The following TXLNB variants were observed in gnomAD, a reference collection of about 807,000 sequenced individuals.
TXLNB encodes beta-taxilin.
In TXLNB, 37 loss-of-function variants were observed where a neutral mutation model predicts 57.4. That is an observed-to-expected ratio of 0.64 (90% confidence interval 0.50 to 0.85). TXLNB has a LOEUF of 0.85. Ranked by LOEUF, TXLNB falls within the 40% of genes least tolerant of loss-of-function variation. TXLNB has a pLI of 0.00. For synonymous variants in TXLNB, 302 were observed against 309.6 expected (o/e 0.98, Z 0.26); for missense variants, 848 against 825.6 (o/e 1.03, Z -0.33).
At chr6:139,208,296 G>A in the TXLNB span, among the ~76,000 whole-genome samples, 1 of 152,180 alleles carries the variant, frequency 6.6e-6, no homozygotes, top group South Asian at 2.1e-4. Context: ...GATTGAATCA[G>A]TAATTTAAAA....
rs769377823 is a variant in TXLNB at position 139,247,881 on chromosome 6, T to G, written c.1106A>C (p.Glu369Ala). 2 of 1,607,524 alleles carry G rather than the reference T, an allele frequency of 1.2e-6. No homozygotes were observed. The highest frequency in any genetic ancestry group is 1.7e-6 in the Non-Finnish European group (2 of 1,176,780). The change falls in exon 8 of 10, where the codon GAA becomes GCA. Residue 369 changes from glutamate to alanine, a missense_variant. Transcript: ENST00000358430. Reference sequence around the variant, plus strand: ...GCTTTTAGTTAGTGTGCTCTGGAATTCTTCAAACCTTCCTGAGTAGAGAGT... The same window carrying G: ...GCTTTTAGTTAGTGTGCTCTGGAATGCTTCAAACCTTCCTGAGTAGAGAGT... ...QLTLYSGRFE[E>A]FQSTLTKSNE...
At chr6:139,315,369 C>T in the TXLNB span, among the ~76,000 whole-genome samples, 1 of 152,178 alleles carries the variant, frequency 6.6e-6, no homozygotes, top group African/African-American at 2.4e-5. Flanking sequence ...TGCAATTGCC[C>T]TGTCTTGATA....
At chr6:139,167,013 G>A in the TXLNB span, 40 of 1,614,180 alleles carry the variant, frequency 2.5e-5, no homozygotes, top group Non-Finnish European at 3.1e-5. Flanking sequence ...GTTCACAGGG[G>A]GGGACACTTC....
chr6:139,238,717 C>T (rs1174305556), downstream of TXLNB, among the ~76,000 whole-genome samples: 1 of 152,148 alleles, frequency 6.6e-6, no homozygotes, highest in Non-Finnish European at 1.5e-5. Context: ...ATTATTTAAA[C>T]CTTGTGAAAA....
At position 139,246,029 on chromosome 6, in the gene TXLNB, A is replaced by G. The variant is rs1776058992; in HGVS notation, c.1171-1339T>C. ...AACTTTAAGGTCATCAATCTTTTTA[A>G]GAATGTGGTGAAAGCTATGGGACCA... is the stretch of plus-strand genomic sequence containing the variant. On this transcript the variant is annotated intron_variant, in intron 8 of 9. Transcript: ENST00000358430. 2.6e-5 allele frequency among the ~76,000 whole-genome samples: 4 copies of G among 152,278 alleles called. No individual in the cohort carries two copies. The South Asian group carries it at 8.3e-4, about 32-fold the overall frequency.
At position 139,247,008 on chromosome 6, in the gene TXLNB, T is replaced by C. The variant is rs1776082097; in HGVS notation, c.1170+809A>G. Among the ~76,000 whole-genome samples, 6 of 152,286 alleles carry C rather than the reference T, an allele frequency of 3.9e-5. No homozygotes were observed. In the South Asian group the frequency reaches 1.2e-3, roughly 32 times the overall value. ...AACACACCAGAATTGAATTCAGGCT[T>C]CCATCTTCTCATTCAAGGCTCTGTC... is the stretch of plus-strand genomic sequence containing the variant. On this transcript the variant is annotated intron_variant, in intron 8 of 9. Coordinates refer to ENST00000358430, the MANE Select transcript of TXLNB (RefSeq NM_153235.4).
chr6:139,322,108 C>T, the TXLNB span, among the ~76,000 whole-genome samples: 1 of 152,126 alleles, frequency 6.6e-6, no homozygotes, highest in Non-Finnish European at 1.5e-5. Context: ...TTCTGAGCTG[C>T]GACTACAGGT....
chr6:139,253,703 G>T (rs562221675), intron 7 of TXLNB, among the ~76,000 whole-genome samples: 12 of 152,142 alleles, frequency 7.9e-5, no homozygotes, highest in South Asian at 2.1e-4. Context: ...TTTAATATTT[G>T]TATTGTACAG....
the TXLNB span, among the ~76,000 whole-genome samples, chr6:139,322,805 C>T: frequency 1.3e-5 from 2 of 152,184 alleles, no homozygotes; most frequent in Non-Finnish European, 2.9e-5. Context: ...ACACACTGCA[C>T]ATTTTCTGTA....
the TXLNB span, among the ~76,000 whole-genome samples, chr6:139,216,556 C>T: frequency 1.3e-5 from 2 of 151,878 alleles, no homozygotes; most frequent in Non-Finnish European, 2.9e-5. Flanking sequence ...AGCACACCAA[C>T]ATGGCACATG....
In TXLNB at chr6:139,284,052, C is replaced by T. The variant is rs558670171; in HGVS notation, c.424+4424G>A. ...TTCCACAATCTGTGTCAAAATTACCCAGGGTGAACATCTCCCATGCTCGCC... is the reference window on the plus strand; with the variant it reads ...TTCCACAATCTGTGTCAAAATTACCTAGGGTGAACATCTCCCATGCTCGCC... On this transcript the variant is annotated intron_variant, in intron 2 of 9. Transcript: ENST00000358430. Among the ~76,000 whole-genome samples the T allele has an allele frequency of 2.8e-5, 4 of 145,390 alleles. 1 individual carries two copies. The highest frequency in any genetic ancestry group is 6.1e-5 in the Non-Finnish European group (4 of 65,366).
chr6:139,242,646 C>G lies in TXLNB; in HGVS notation c.1935G>C (p.Val645=). 2 of 1,608,958 alleles carry G rather than the reference C, an allele frequency of 1.2e-6. No homozygotes were observed. Among genetic ancestry groups the G allele is most frequent in the Non-Finnish European group, 1.7e-6 (2 of 1,177,772 alleles). The change falls in exon 10 of 10, where the codon GTG becomes GTC. Residue 645 remains valine (V), a synonymous_variant. Coordinates refer to ENST00000358430, the MANE Select transcript of TXLNB (RefSeq NM_153235.4). ...CAAEEHVAAM[V]PACEPSRQPP... is the part of the protein sequence containing the mutation. ...GCTGCCTACTGGGCTCGCATGCAGG[C>G]ACCATGGCTGCAACGTGCTCTTCTG... is the stretch of plus-strand genomic sequence containing the variant.
the TXLNB span, among the ~76,000 whole-genome samples, chr6:139,210,792 G>A: frequency 3.3e-5 from 5 of 152,226 alleles, no homozygotes; most frequent in Non-Finnish European, 4.4e-5. Flanking sequence ...CTAATACTGC[G>A]CTCTTCCAAT....
At chr6:139,280,548 G>A (rs1753886791) in intron 2 of TXLNB, among the ~76,000 whole-genome samples, 1 of 74,530 alleles carries the variant, frequency 1.3e-5, no homozygotes, top group African/African-American at 6.4e-5. Flanking sequence ...GGGAAACTGA[G>A]CAGGAGACTC....
At chr6:139,279,615 G>A (rs1001318920) in intron 2 of TXLNB, among the ~76,000 whole-genome samples, 5 of 152,204 alleles carry the variant, frequency 3.3e-5, no homozygotes, top group Non-Finnish European at 7.3e-5. Flanking sequence ...AATCATGGAG[G>A]AGGGGAGTAG....
chr6:139,313,887 C>A, the TXLNB span, among the ~76,000 whole-genome samples: 1 of 152,110 alleles, frequency 6.6e-6, no homozygotes, highest in African/African-American at 2.4e-5. Context: ...TAGCTCAGGC[C>A]ATGATGGAAA....
intron 5 of TXLNB, 53 bp downstream of exon 5, chr6:139,262,526 G>C (rs1776508697): frequency 6.2e-6 from 9 of 1,448,156 alleles, no homozygotes; most frequent in Non-Finnish European, 8.3e-6. Flanking sequence ...CCCACCTTTA[G>C]CTCCCAGATC....
At chr6:139,234,583 C>T in the TXLNB span, 1 of 152,378 alleles carries the variant, frequency 6.6e-6, no homozygotes, top group Non-Finnish European at 1.5e-5. Flanking sequence ...TGTGGGTGCA[C>T]AGAAGTCAAG....
the TXLNB span, among the ~76,000 whole-genome samples, chr6:139,229,221 TGA>T: frequency 6.6e-6 from 1 of 152,212 alleles, no homozygotes; most frequent in Non-Finnish European, 1.5e-5. Context: ...TGACAGTTTC[TGA>T]GTATACCCAT....
Sources: allele counts gnomAD v4.1 joint callset (sites outside exome capture counted in the v4.1 genomes callset), GRCh38; gene constraint gnomAD v4.1.1; transcripts MANE v1.5; gene names NCBI Gene and HGNC (gene_info 2026-07-23, HGNC 2026-07-21).